Variants in PRELID2 observed in about 807,000 individuals in gnomAD.
The protein encoded by PRELID2 is PRELI domain containing 2, also known as PRELI domain-containing protein 2.
In PRELID2, 25 loss-of-function variants were observed where a neutral mutation model predicts 28.4. That is an observed-to-expected ratio of 0.88 (90% CI 0.64 to 1.23). The LOEUF (loss-of-function observed/expected upper bound fraction) is 1.23. Among genes scored for constraint, PRELID2 ranks in the 50% most tolerant of loss-of-function variants. The pLI, the probability that PRELID2 is intolerant of heterozygous loss-of-function variation, is 0.00. For synonymous variants in PRELID2, 76 were observed against 71.6 expected, an observed-to-expected ratio of 1.06 and a Z score of -0.31; for missense variants, 201 against 214.4, an observed-to-expected ratio of 0.94 and a Z score of 0.39.
the PRELID2 span, among the ~76,000 whole-genome samples, chr5:145,346,370 G>A: frequency 6.6e-4 from 101 of 152,080 alleles, no homozygotes; most frequent in Non-Finnish European, 1.1e-3. Context: ...AGCACTGATA[G>A]CTTCTACTCA....
the PRELID2 span, among the ~76,000 whole-genome samples, chr5:145,414,131 C>G: frequency 2.0e-5 from 3 of 152,160 alleles, no homozygotes; most frequent in Non-Finnish European, 4.4e-5. Flanking sequence ...CTTGAAACAT[C>G]AGCAATATAC....
intron 1 of PRELID2, among the ~76,000 whole-genome samples, chr5:145,488,123 CAAAAAAAA>C (rs10643402): frequency 9.9e-6 from 1 of 101,388 alleles, no homozygotes; most frequent in Non-Finnish European, 1.9e-5. Context: ...GACTCTGTCT[CAAAAAAAA>C]AAAAAAAAAA....
At chr5:145,717,151 T>G (rs1755866427) in intron 1 of PRELID2, among the ~76,000 whole-genome samples, 1 of 152,162 alleles carries the variant, frequency 6.6e-6, no homozygotes, top group African/African-American at 2.4e-5. Flanking sequence ...AAATCATGCA[T>G]AGCTACATTA....
chr5:145,780,888 CA>C (rs1561599794), intron 5 of PRELID2, among the ~76,000 whole-genome samples: 2 of 152,132 alleles, frequency 1.3e-5, no homozygotes, highest in Non-Finnish European at 2.9e-5. Flanking sequence ...TTTGGAAATT[CA>C]GAGATGGTGA....
chr5:145,649,866 G>T (rs574330733), intron 1 of PRELID2, among the ~76,000 whole-genome samples: 1 of 152,052 alleles, frequency 6.6e-6, no homozygotes, highest in African/African-American at 2.4e-5. Context: ...GGTTTTCACT[G>T]TCTGTTTTTA....
chr5:145,362,054 A>C, the PRELID2 span, among the ~76,000 whole-genome samples: 3 of 152,136 alleles, frequency 2.0e-5, no homozygotes, highest in Non-Finnish European at 4.4e-5. Flanking sequence ...GCATTACTAG[A>C]ATGCACATTT....
chr5:145,606,232 C>CT (rs1753502972), intron 1 of PRELID2, among the ~76,000 whole-genome samples: 1 of 152,084 alleles, frequency 6.6e-6, no homozygotes, highest in African/African-American at 2.4e-5. Context: ...GTTTGACATC[C>CT]TCTCTTCCTA....
At chr5:145,807,277 T>A (rs17103769) in intron 4 of PRELID2, among the ~76,000 whole-genome samples, 1 of 152,184 alleles carries the variant, frequency 6.6e-6, no homozygotes, top group Non-Finnish European at 1.5e-5. Flanking sequence ...CTCCTACTTA[T>A]GTCATCGAAT....
At chr5:145,314,707 G>T in the PRELID2 span, among the ~76,000 whole-genome samples, 1 of 151,866 alleles carries the variant, frequency 6.6e-6, no homozygotes, top group African/African-American at 2.4e-5. Flanking sequence ...TCATTTCAAA[G>T]TAAGTTGCCA....
At chr5:145,685,934 C>T (rs772513266) in intron 1 of PRELID2, among the ~76,000 whole-genome samples, 1 of 152,196 alleles carries the variant, frequency 6.6e-6, no homozygotes, top group Non-Finnish European at 1.5e-5. Flanking sequence ...AAAAAAGCTG[C>T]TTGACTTCTC....
chr5:145,522,526 T>C (rs193165022), intron 1 of PRELID2, among the ~76,000 whole-genome samples: 1 of 152,282 alleles, frequency 6.6e-6, no homozygotes, highest in East Asian at 1.9e-4. Flanking sequence ...TATTTCATTA[T>C]ATGAATATAC....
At chr5:145,490,901 C>G (rs952848928) in intron 1 of PRELID2, among the ~76,000 whole-genome samples, 14 of 151,822 alleles carry the variant, frequency 9.2e-5, no homozygotes, top group Admixed American at 3.9e-4. Context: ...TCCCCACCCC[C>G]CCATCAAACC....
At chr5:145,405,924 C>G in the PRELID2 span, among the ~76,000 whole-genome samples, 1 of 151,978 alleles carries the variant, frequency 6.6e-6, no homozygotes, top group Non-Finnish European at 1.5e-5. Flanking sequence ...CCAGGAGGGT[C>G]TCAATCTCCT....
intron 1 of PRELID2, among the ~76,000 whole-genome samples, chr5:145,692,176 T>C (rs1755164338): frequency 6.6e-6 from 1 of 152,214 alleles, no homozygotes; most frequent in Non-Finnish European, 1.5e-5. Context: ...TCATTCATCT[T>C]TCTATGCCGG....
the PRELID2 span, among the ~76,000 whole-genome samples, chr5:145,464,279 G>T: frequency 6.6e-6 from 1 of 152,050 alleles, no homozygotes; most frequent in Non-Finnish European, 1.5e-5. Flanking sequence ...GTTATTTAAG[G>T]CCCTGGCTCA....
chr5:145,674,745 AC>A (rs948303855), intron 1 of PRELID2, among the ~76,000 whole-genome samples: 27 of 152,206 alleles, frequency 1.8e-4, no homozygotes, highest in African/African-American at 6.0e-4. Flanking sequence ...GGAATTTGAG[AC>A]CAAAAGCCTG....
At chr5:145,430,449 A>G in the PRELID2 span, among the ~76,000 whole-genome samples, 1 of 152,160 alleles carries the variant, frequency 6.6e-6, no homozygotes, top group East Asian at 1.9e-4. Flanking sequence ...CGGCACCTTC[A>G]TGGAAACACT....
chr5:145,804,955 G>A (rs887148994), intron 4 of PRELID2, among the ~76,000 whole-genome samples: 1 of 152,162 alleles, frequency 6.6e-6, no homozygotes, highest in Non-Finnish European at 1.5e-5. Context: ...CAGTGGAGGA[G>A]GTAGACCCTG....
chr5:145,399,466 G>T, the PRELID2 span, among the ~76,000 whole-genome samples: 1 of 152,004 alleles, frequency 6.6e-6, no homozygotes, highest in African/African-American at 2.4e-5. Context: ...TTAAGAACAA[G>T]GAAATTCTGT....
Sources: allele counts gnomAD v4.1 joint callset (sites outside exome capture counted in the v4.1 genomes callset), GRCh38; gene constraint gnomAD v4.1.1; transcripts MANE v1.5; gene names NCBI Gene and HGNC (gene_info 2026-07-23, HGNC 2026-07-21).